Variants in VTI1A observed in about 807,000 individuals in gnomAD.
The protein encoded by VTI1A is vesicle transport through interaction with t-SNAREs 1A, also known as vesicle transport through interaction with t-SNAREs homolog 1A.
VTI1A carries 22 observed loss-of-function variants against 34.9 expected under a neutral mutation model. The ratio of observed to expected loss-of-function variants is 0.63; its 90% CI spans 0.45 to 0.90. VTI1A has a LOEUF of 0.90. Ranked by LOEUF, VTI1A falls within the 40% of genes least tolerant of loss-of-function variation. VTI1A has a pLI of 0.00. For missense variants in VTI1A, 268 were observed against 275.6 expected (o/e 0.97, Z 0.20); for synonymous variants, 87 against 97.3 (o/e 0.89, Z 0.62).
intron 7 of VTI1A, among the ~76,000 whole-genome samples, chr10:112,719,451 TTA>T (rs1228894343): frequency 1.3e-5 from 2 of 152,230 alleles, no homozygotes; most frequent in Non-Finnish European, 2.9e-5. Flanking sequence ...GAGATATAAT[TTA>T]TATGTTATAT....
At chr10:112,827,878 G>A in the VTI1A span, among the ~76,000 whole-genome samples, 1 of 152,108 alleles carries the variant, frequency 6.6e-6, no homozygotes, top group Non-Finnish European at 1.5e-5. Flanking sequence ...GATGAAACTT[G>A]GAAAGATAAT....
intron 5 of VTI1A, among the ~76,000 whole-genome samples, chr10:112,613,652 A>G (rs1034373682): frequency 6.6e-6 from 1 of 152,216 alleles, no homozygotes; most frequent in Non-Finnish European, 1.5e-5. Context: ...ACTGAGCACT[A>G]AAAGGTTGAG....
intron 7 of VTI1A, among the ~76,000 whole-genome samples, chr10:112,703,560 CTG>C (rs1849086491): frequency 6.6e-6 from 1 of 151,604 alleles, no homozygotes; most frequent in Non-Finnish European, 1.5e-5. Context: ...GAGCAAAACT[CTG>C]TCTCAAAAAA....
At position 112,611,737 on chromosome 10, in the gene VTI1A, A is replaced by ATTTTTTTTTTTTTTTTTTTTTTTT. The variant is rs3057346; in HGVS notation, c.428-56459_428-56458insTTTTTTTTTTTTTTTTTTTTTTTT. On this transcript the variant is annotated intron_variant, in intron 5 of 7. Coordinates refer to ENST00000393077, the MANE Select transcript of VTI1A (RefSeq NM_145206.4). ...TAAAGCCCATTTGGTGAGAAAGGTA[A>ATTTTTTTTTTTTTTTTTTTTTTTT]TTTTTTTTTTTTTTTTTTTTTTGTG... Among the ~76,000 whole-genome samples the ATTTTTTTTTTTTTTTTTTTTTTTT allele has an allele frequency of 1.7e-3, 168 of 100,778 alleles. 12 individuals are homozygous for ATTTTTTTTTTTTTTTTTTTTTTTT. The highest frequency in any genetic ancestry group is 6.3e-3 in the Middle Eastern group (1 of 160). The allele number at this position is 100,778 out of a possible 152,430, so 66.1% of individuals were successfully genotyped here. A position where few individuals can be genotyped will look rare whatever the true frequency, so the allele number is the denominator to read the frequency against.
intron 7 of VTI1A, among the ~76,000 whole-genome samples, chr10:112,682,305 T>C (rs942471544): frequency 5.3e-5 from 8 of 152,300 alleles, no homozygotes; most frequent in African/African-American, 1.9e-4. Flanking sequence ...TATTTCACTA[T>C]TATAGCTAGA....
intron 3 of VTI1A, among the ~76,000 whole-genome samples, chr10:112,468,494 C>T (rs529983757): frequency 3.3e-5 from 5 of 152,208 alleles, no homozygotes; most frequent in Non-Finnish European, 5.9e-5. Context: ...CAGTTGAAGC[C>T]GTTCTTCTGT....
intron 7 of VTI1A, among the ~76,000 whole-genome samples, chr10:112,672,192 A>T (rs77246058): frequency 0.015 from 2,347 of 152,302 alleles, 70 homozygotes; most frequent in African/African-American, 0.053. Context: ...GGGAAATAGA[A>T]AATGGTATAT....
intron 5 of VTI1A, among the ~76,000 whole-genome samples, chr10:112,601,988 G>A (rs1452952841): frequency 6.6e-6 from 1 of 152,120 alleles, no homozygotes; most frequent in Non-Finnish European, 1.5e-5. Context: ...TGGAGTATGA[G>A]CCATATTTTT....
intron 5 of VTI1A, among the ~76,000 whole-genome samples, chr10:112,659,857 T>A (rs995407215): frequency 6.6e-6 from 1 of 152,240 alleles, no homozygotes; most frequent in Admixed American, 6.5e-5. Flanking sequence ...AAATATTTTA[T>A]GGTACATAGT....
intron 3 of VTI1A, among the ~76,000 whole-genome samples, chr10:112,468,626 C>G (rs1453321329): frequency 6.6e-6 from 1 of 152,124 alleles, no homozygotes; most frequent in Non-Finnish European, 1.5e-5. Context: ...GCCGTTCCTT[C>G]TCCTCTGCCT....
intron 5 of VTI1A, among the ~76,000 whole-genome samples, chr10:112,632,114 G>T (rs1441849689): frequency 1.3e-5 from 2 of 152,084 alleles, no homozygotes; most frequent in African/African-American, 4.8e-5. Context: ...TTCCCTAGGG[G>T]ACATTTTGAA....
At chr10:112,537,048 T>C (rs1457074485) in intron 4 of VTI1A, among the ~76,000 whole-genome samples, 1 of 151,920 alleles carries the variant, frequency 6.6e-6, no homozygotes, top group Admixed American at 6.6e-5. Context: ...GCAAGGTAGA[T>C]CGTTTCGCTC....
chr10:112,486,645 CAGAATATACAGTTGTATATTCTTA>C (rs11272417), intron 3 of VTI1A, among the ~76,000 whole-genome samples: 2 of 140,214 alleles, frequency 1.4e-5, no homozygotes, highest in African/African-American at 2.7e-5. Context: ...AATAATATCA[CAGAATATACAGTTGTATATTCTTA>C]AGAATATACA....
chr10:112,764,542 G>A (rs1042422265), intron 7 of VTI1A, among the ~76,000 whole-genome samples: 1 of 152,136 alleles, frequency 6.6e-6, no homozygotes, highest in Non-Finnish European at 1.5e-5. Flanking sequence ...ATAGGGAATT[G>A]TGAAGAAAAT....
At chr10:112,853,171 G>T in the VTI1A span, among the ~76,000 whole-genome samples, 4 of 152,268 alleles carry the variant, frequency 2.6e-5, no homozygotes, top group Middle Eastern at 3.4e-3. Context: ...TCTTCCAGGG[G>T]GGTAAATTCT....
intron 5 of VTI1A, among the ~76,000 whole-genome samples, chr10:112,631,292 T>C (rs1257354657): frequency 6.6e-6 from 1 of 152,186 alleles, no homozygotes; most frequent in African/African-American, 2.4e-5. Context: ...AAATTAACCA[T>C]TTTAAAATGT....
intron 5 of VTI1A, among the ~76,000 whole-genome samples, chr10:112,598,254 T>G (rs1844743927): frequency 6.6e-6 from 1 of 152,194 alleles, no homozygotes; most frequent in East Asian, 1.9e-4. Flanking sequence ...CCCTTTCACT[T>G]GTAAGTCTCT....
At chr10:112,608,409 C>T (rs537278524) in intron 5 of VTI1A, among the ~76,000 whole-genome samples, 1 of 152,094 alleles carries the variant, frequency 6.6e-6, no homozygotes, top group South Asian at 2.1e-4. Flanking sequence ...AAATAATTTG[C>T]CAAGGAAAAA....
chr10:112,759,960 A>C (rs745584859), intron 7 of VTI1A, among the ~76,000 whole-genome samples: 5 of 152,240 alleles, frequency 3.3e-5, no homozygotes, highest in African/African-American at 7.2e-5. Context: ...GTGACGGGGC[A>C]GTTTGGGATG....
Sources: allele counts gnomAD v4.1 joint callset (sites outside exome capture counted in the v4.1 genomes callset), GRCh38; gene constraint gnomAD v4.1.1; transcripts MANE v1.5; gene names NCBI Gene and HGNC (gene_info 2026-07-23, HGNC 2026-07-21).